The following KCNIP4 variants were observed in gnomAD, a reference collection of about 807,000 sequenced individuals.
The protein encoded by KCNIP4 is Kv channel-interacting protein 4.
A neutral mutation model predicts 34.0 loss-of-function variants in KCNIP4; 12 were observed. The observed-to-expected ratio is 0.35, with a 90% confidence interval of 0.23 to 0.57. The LOEUF is 0.57. Among genes scored for constraint, KCNIP4 ranks in the 20% least tolerant of loss-of-function variants. The pLI is 0.83. For missense variants in KCNIP4, 238 were observed against 311.7 expected (o/e 0.76, Z 1.78); for synonymous variants, 124 against 102.2 (o/e 1.21, Z -1.29).
chr4:21,166,121 C>T (rs962281419), intron 1 of KCNIP4, among the ~76,000 whole-genome samples: 3 of 152,244 alleles, frequency 2.0e-5, no homozygotes, highest in East Asian at 1.9e-4. Flanking sequence ...ATTACCCAGT[C>T]TAAGGTTTTT....
At chr4:21,432,198 G>C (rs1726549374) in intron 1 of KCNIP4, among the ~76,000 whole-genome samples, 1 of 139,738 alleles carries the variant, frequency 7.2e-6, no homozygotes, top group Non-Finnish European at 1.5e-5. Context: ...GTTTACTGGA[G>C]AAAACCACAT....
chr4:21,660,678 A>G lies in KCNIP4; in HGVS notation c.61+287893T>C, dbSNP rs1577782212. On this transcript the variant is annotated intron_variant, in intron 1 of 8. Transcript: ENST00000382152. ...ACCTGGAGGTTAGAGTGGGCTCATGAGATGTGGGGTTCTCTGTCCACTACT... is the reference window on the plus strand; with the variant it reads ...ACCTGGAGGTTAGAGTGGGCTCATGGGATGTGGGGTTCTCTGTCCACTACT... Among the ~76,000 whole-genome samples the G allele has an allele frequency of 5.3e-5, 8 of 152,278 alleles. No homozygotes were observed. In the South Asian group the frequency reaches 1.5e-3, roughly 28 times the overall value.
intron 1 of KCNIP4, among the ~76,000 whole-genome samples, chr4:21,746,946 T>G (rs1456236342): frequency 6.6e-6 from 1 of 152,236 alleles, no homozygotes; most frequent in East Asian, 1.9e-4. Flanking sequence ...TATTTACTGG[T>G]ATTGCAGTTT....
intron 1 of KCNIP4, among the ~76,000 whole-genome samples, chr4:21,279,403 A>G (rs975444960): frequency 2.0e-5 from 3 of 151,926 alleles, no homozygotes; most frequent in African/African-American, 7.2e-5. Context: ...AATATTAAAT[A>G]AAAATATTTG....
intron 1 of KCNIP4, among the ~76,000 whole-genome samples, chr4:21,212,142 C>G (rs189039110): frequency 4.3e-4 from 65 of 152,294 alleles, no homozygotes; most frequent in African/African-American, 1.5e-3. Flanking sequence ...TCTTTCCAAT[C>G]TCTCAGATAA....
intron 1 of KCNIP4, among the ~76,000 whole-genome samples, chr4:20,975,612 G>A (rs754871131): frequency 1.2e-4 from 18 of 152,068 alleles, no homozygotes; most frequent in Non-Finnish European, 2.5e-4. Context: ...TCCACCAACC[G>A]CCTAAAAAGA....
At chr4:21,355,917 A>C (rs2109390703) in intron 1 of KCNIP4, among the ~76,000 whole-genome samples, 1 of 152,314 alleles carries the variant, frequency 6.6e-6, no homozygotes, top group South Asian at 2.1e-4. Context: ...AATACTGGCA[A>C]ACCGAATCCA....
chr4:21,055,892 C>A (rs543952418), intron 1 of KCNIP4, among the ~76,000 whole-genome samples: 1 of 152,258 alleles, frequency 6.6e-6, no homozygotes, highest in Admixed American at 6.5e-5. Context: ...TTTGTTAAAA[C>A]CCCTAGAATG....
At chr4:21,020,106 G>A (rs1002655208) in intron 1 of KCNIP4, among the ~76,000 whole-genome samples, 2 of 152,034 alleles carry the variant, frequency 1.3e-5, no homozygotes, top group African/African-American at 4.8e-5. Flanking sequence ...CTAACACATG[G>A]TCACATTATA....
At chr4:21,571,876 G>A (rs1276015219) in intron 1 of KCNIP4, among the ~76,000 whole-genome samples, 1 of 152,128 alleles carries the variant, frequency 6.6e-6, no homozygotes, top group Non-Finnish European at 1.5e-5. Flanking sequence ...ACTTTGCTGA[G>A]TATTTTGCTT....
intron 1 of KCNIP4, among the ~76,000 whole-genome samples, chr4:21,396,280 G>T (rs1722990174): frequency 6.6e-6 from 1 of 151,936 alleles, no homozygotes. Context: ...CCTGGGCCGG[G>T]TGTGGTGGCT....
At chr4:20,901,396 T>G (rs1313543357) in intron 1 of KCNIP4, among the ~76,000 whole-genome samples, 3 of 152,232 alleles carry the variant, frequency 2.0e-5, no homozygotes, top group Non-Finnish European at 4.4e-5. Flanking sequence ...CAGAATCTTC[T>G]AACTCACTCT....
chr4:21,537,771 TG>T (rs1210058868), intron 1 of KCNIP4, among the ~76,000 whole-genome samples: 7 of 151,918 alleles, frequency 4.6e-5, no homozygotes, highest in African/African-American at 1.7e-4. Flanking sequence ...CCCTGAACTT[TG>T]GGAGGCCAAG....
chr4:20,927,850 T>C (rs1577380177), intron 1 of KCNIP4, among the ~76,000 whole-genome samples: 1 of 152,126 alleles, frequency 6.6e-6, no homozygotes, highest in African/African-American at 2.4e-5. Flanking sequence ...TTAAGTGTAT[T>C]TTTAGAGCCA....
chr4:21,468,405 G>C (rs1730171608), intron 1 of KCNIP4, among the ~76,000 whole-genome samples: 1 of 152,150 alleles, frequency 6.6e-6, no homozygotes, highest in Admixed American at 6.5e-5. Flanking sequence ...AGGCAAGAAA[G>C]ACTGCTCGCA....
chr4:20,850,800 G>T, intron 2 of KCNIP4, 133 bp from the exon 3 acceptor site: 3 of 913,410 alleles, frequency 3.3e-6, no homozygotes, highest in Non-Finnish European at 3.1e-6. Context: ...CCCTCACAAT[G>T]CCTATAAGGC....
chr4:20,871,749 CTCTT>C (rs1219762497), intron 2 of KCNIP4, among the ~76,000 whole-genome samples: 23 of 152,224 alleles, frequency 1.5e-4, no homozygotes, highest in African/African-American at 5.1e-4. Context: ...AACAGTGTCT[CTCTT>C]TGAGTTCTTT....
chr4:21,019,957 C>A (rs1476338170), intron 1 of KCNIP4, among the ~76,000 whole-genome samples: 2 of 152,050 alleles, frequency 1.3e-5, no homozygotes, highest in Non-Finnish European at 2.9e-5. Context: ...AGCTATACAC[C>A]AGAGTTCAGA....
At chr4:21,150,420 T>G (rs1752674861) in intron 1 of KCNIP4, among the ~76,000 whole-genome samples, 1 of 144,866 alleles carries the variant, frequency 6.9e-6, no homozygotes, top group African/African-American at 2.9e-5. Flanking sequence ...GATTCTGATG[T>G]TCTGGGATGG....
Sources: gnomAD v4.1 joint callset for allele counts (sites outside exome capture counted in the v4.1 genomes callset) on GRCh38, gnomAD v4.1.1 for gene constraint, MANE v1.5 for transcripts, NCBI Gene and HGNC (gene_info 2026-07-23, HGNC 2026-07-21) for gene names.